The following AKAP13 variants were observed in gnomAD, a reference collection of about 807,000 sequenced individuals.
AKAP13 encodes the protein A-kinase anchoring protein 13, also known as A-kinase anchor protein 13.
AKAP13 carries 80 observed loss-of-function variants against 264.5 expected under a neutral mutation model. That is an observed-to-expected ratio of 0.30 (90% CI 0.25 to 0.36). The LOEUF is 0.36. Among genes scored for constraint, AKAP13 ranks in the 10% least tolerant of loss-of-function variants. The pLI is 1.00. For missense variants in AKAP13, 3,712 were observed against 3,435.2 expected (o/e 1.08, Z -2.01); for synonymous variants, 1,380 against 1,250.2 (o/e 1.10, Z -2.19).
intron 4 of AKAP13, chr15:85,535,909 C>T (rs1476683166): frequency 1.3e-5 from 2 of 151,834 alleles, no homozygotes; most frequent in Non-Finnish European, 2.9e-5. Flanking sequence ...AAGCGATTCT[C>T]CTGCCTTAGC....
chr15:85,462,100 G>A (rs1294581817), intron 1 of AKAP13, among the ~76,000 whole-genome samples: 3 of 152,134 alleles, frequency 2.0e-5, no homozygotes, highest in Non-Finnish European at 2.9e-5. Context: ...GGTTTCTGGA[G>A]GGCAGTTGGT....
chr15:85,611,543 T>G (rs578184410), intron 8 of AKAP13, among the ~76,000 whole-genome samples: 2 of 152,368 alleles, frequency 1.3e-5, no homozygotes, highest in East Asian at 3.9e-4. Context: ...TTTCAGCAGC[T>G]GAGTTCACAC....
intron 12 of AKAP13, chr15:85,662,465 T>A (rs763711891): frequency 2.4e-5 from 38 of 1,614,140 alleles, no homozygotes; most frequent in Admixed American, 3.3e-5. Context: ...TATGATATTG[T>A]TATGTGTCCC....
At chr15:85,431,996 G>A (rs1441149462) in intron 1 of AKAP13, among the ~76,000 whole-genome samples, 1 of 152,112 alleles carries the variant, frequency 6.6e-6, no homozygotes, top group Non-Finnish European at 1.5e-5. Context: ...TGAAAAAGAT[G>A]CCTAATTTCA....
chr15:85,667,033 A>G (rs572416877), intron 13 of AKAP13, among the ~76,000 whole-genome samples: 1 of 152,306 alleles, frequency 6.6e-6, no homozygotes, highest in African/African-American at 2.4e-5. Context: ...TGAAACACTT[A>G]CAATTTAAAA....
At chr15:85,638,738 T>G (rs936091045) in intron 8 of AKAP13, among the ~76,000 whole-genome samples, 1 of 150,098 alleles carries the variant, frequency 6.7e-6, no homozygotes, top group Non-Finnish European at 1.5e-5. Flanking sequence ...TCCTGCTGTT[T>G]ATTACTTCAG....
intron 5 of AKAP13, among the ~76,000 whole-genome samples, chr15:85,562,866 TTTTTG>T (rs1428146721): frequency 2.9e-5 from 1 of 34,104 alleles, no homozygotes; most frequent in Non-Finnish European, 8.5e-5. Flanking sequence ...CAGCAGGTTT[TTTTTG>T]TTTTTTTTTT....
intron 9 of AKAP13, among the ~76,000 whole-genome samples, chr15:85,643,980 A>T (rs1423824225): frequency 6.6e-6 from 1 of 152,186 alleles, no homozygotes; most frequent in African/African-American, 2.4e-5. Flanking sequence ...ATGCCCGTGT[A>T]CTATTTACTA....
rs368573525 is a variant in AKAP13, at chr15:85,655,802, G to A, written c.4745+15G>A. 49 of 1,595,788 alleles carry A rather than the reference G, an allele frequency of 3.1e-5. No individual in the cohort carries two copies. Among genetic ancestry groups the A allele is most frequent in the South Asian group, 1.9e-4 (17 of 89,886 alleles). On this transcript the variant is annotated intron_variant, in intron 11 of 36. Coordinates refer to ENST00000394518, the MANE Select transcript of AKAP13 (RefSeq NM_007200.5). ...AACCACCGGAGGTGAGATGGGAGGC[G>A]GTTTGTTTAGTGTCTCAGTGTCTGC...
At chr15:85,421,345 C>T (rs1567048230) in intron 1 of AKAP13, among the ~76,000 whole-genome samples, 1 of 152,254 alleles carries the variant, frequency 6.6e-6, no homozygotes, top group African/African-American at 2.4e-5. Flanking sequence ...TACTCCCTTA[C>T]TCTTCCTAAC....
At chr15:85,599,025 G>A (rs1400070545) in intron 8 of AKAP13, among the ~76,000 whole-genome samples, 1 of 152,194 alleles carries the variant, frequency 6.6e-6, no homozygotes, top group Non-Finnish European at 1.5e-5. Flanking sequence ...TTCCTTCCCA[G>A]GAGTCATTAG....
At chr15:85,703,363 G>T (rs1488566161) in intron 17 of AKAP13, among the ~76,000 whole-genome samples, 1 of 152,168 alleles carries the variant, frequency 6.6e-6, no homozygotes, top group Non-Finnish European at 1.5e-5. Flanking sequence ...TTGTTTACCA[G>T]TGTTGTTACG....
rs375382771 is a variant in AKAP13 at position 85,541,403 on chromosome 15, G to C, written c.479-2369G>C. ...GATCTAGGTTGTTGAGTGAGTGTCT[G>C]GCTATTTGCTGTGTGATTCTTTGAA... is the stretch of plus-strand genomic sequence containing the variant. On this transcript the variant is annotated intron_variant, in intron 4 of 36. Transcript: ENST00000394518. 1.9e-4 allele frequency among the ~76,000 whole-genome samples: 29 copies of C among 152,258 alleles called. No homozygotes were observed. In the South Asian group the frequency reaches 6.0e-3, roughly 32 times the overall value.
chr15:85,695,514 C>A (rs550722147), intron 17 of AKAP13, among the ~76,000 whole-genome samples: 1 of 152,350 alleles, frequency 6.6e-6, no homozygotes, highest in South Asian at 2.1e-4. Context: ...ACAGCTAGCA[C>A]ACAGCCTGTC....
At chr15:85,610,010 C>G (rs2080531934) in intron 8 of AKAP13, among the ~76,000 whole-genome samples, 1 of 152,090 alleles carries the variant, frequency 6.6e-6, no homozygotes, top group South Asian at 2.1e-4. Flanking sequence ...TTTGAGGACT[C>G]AAAAATGTTT....
intron 10 of AKAP13, chr15:85,651,694 T>A (rs187296014): frequency 6.6e-6 from 1 of 152,328 alleles, no homozygotes; most frequent in Admixed American, 6.5e-5. Context: ...GGGTACAGAC[T>A]ATAAGCATCA....
At chr15:85,686,771 A>G (rs49362) in intron 16 of AKAP13, among the ~76,000 whole-genome samples, 21,195 of 152,178 alleles carry the variant, frequency 0.14, 2,077 homozygotes, top group East Asian at 0.37. Flanking sequence ...ACAGAGCAAT[A>G]TAAATTAGCC....
chr15:85,666,181 G>C (rs558840989), intron 13 of AKAP13, among the ~76,000 whole-genome samples: 1 of 152,274 alleles, frequency 6.6e-6, no homozygotes, highest in East Asian at 1.9e-4. Context: ...ATCCTCTCCA[G>C]CATCTGTTGT....
intron 35 of AKAP13, among the ~76,000 whole-genome samples, 185 bp from the exon 36 acceptor site, chr15:85,743,307 T>C (rs2089193947): frequency 6.6e-6 from 1 of 152,150 alleles, no homozygotes; most frequent in Non-Finnish European, 1.5e-5. Flanking sequence ...AGATACTACT[T>C]GGGGGAGGGC....
Sources: gnomAD v4.1 joint callset for allele counts (sites outside exome capture counted in the v4.1 genomes callset) on GRCh38, gnomAD v4.1.1 for gene constraint, MANE v1.5 for transcripts, NCBI Gene and HGNC (gene_info 2026-07-23, HGNC 2026-07-21) for gene names.